Variants in DAB1 observed in about 807,000 individuals in gnomAD.
The protein encoded by DAB1 is DAB adaptor protein 1, also known as disabled homolog 1.
In DAB1, 15 loss-of-function variants were observed where a neutral mutation model predicts 64.6. The observed-to-expected ratio is 0.23, with a 90% confidence interval of 0.16 to 0.36. The LOEUF is 0.36. DAB1 is among the 10% of genes least tolerant of loss of function. The pLI is 1.00. For synonymous variants in DAB1, 235 were observed against 251.9 expected, an observed-to-expected ratio of 0.93 and a Z score of 0.64; for missense variants, 596 against 706.7, an observed-to-expected ratio of 0.84 and a Z score of 1.78.
In DAB1 at chr1:57,231,015, T is replaced by C. The variant is rs561507245; in HGVS notation, c.67+59949A>G. On this transcript the variant is annotated intron_variant, in intron 2 of 14. Coordinates refer to ENST00000371236, the MANE Select transcript of DAB1 (RefSeq NM_001365792.1). ...GAAGATGAATTAATAATTATTAGTA[T>C]TATTAATAGTTGCAATAAATGTTAG... Among the ~76,000 whole-genome samples the C allele has an allele frequency of 1.2e-4, 18 of 152,240 alleles. No individual in the cohort carries two copies. The South Asian group carries it at 3.5e-3, about 30-fold the overall frequency.
At chr1:58,121,858 T>C (rs1652756815) in intron 5 of DAB1, among the ~76,000 whole-genome samples, 1 of 152,212 alleles carries the variant, frequency 6.6e-6, no homozygotes. Context: ...AATACTCTTC[T>C]CACTCCTTTC....
At chr1:57,260,594 G>C (rs1352421744) in intron 2 of DAB1, among the ~76,000 whole-genome samples, 1 of 152,140 alleles carries the variant, frequency 6.6e-6, no homozygotes, top group Non-Finnish European at 1.5e-5. Context: ...AAACCCCACA[G>C]ATCCTGAGGC....
At chr1:57,751,401 G>C (rs541586106) in intron 6 of DAB1, among the ~76,000 whole-genome samples, 4 of 152,226 alleles carry the variant, frequency 2.6e-5, no homozygotes, top group African/African-American at 7.2e-5. Context: ...TCTATAAGGG[G>C]AGACAAAGGG....
intron 5 of DAB1, among the ~76,000 whole-genome samples, chr1:58,032,611 G>A (rs1248537949): frequency 6.6e-6 from 1 of 152,092 alleles, no homozygotes; most frequent in Admixed American, 6.5e-5. Context: ...TGTGTTTCAC[G>A]AGCCAGGAAA....
intron 5 of DAB1, among the ~76,000 whole-genome samples, chr1:58,088,629 T>C (rs1316915003): frequency 6.6e-6 from 1 of 152,178 alleles, no homozygotes; most frequent in Non-Finnish European, 1.5e-5. Context: ...AGGGAAATCA[T>C]GTTAACTAAC....
chr1:58,504,835 T>C (rs769814521), intron 3 of DAB1, among the ~76,000 whole-genome samples: 1 of 152,218 alleles, frequency 6.6e-6, no homozygotes, highest in Non-Finnish European at 1.5e-5. Context: ...TATCTTAGCA[T>C]CCTGTAAATA....
chr1:57,452,164 C>CA (rs1370158506), intron 7 of DAB1, among the ~76,000 whole-genome samples: 5 of 96,460 alleles, frequency 5.2e-5, no homozygotes, highest in African/African-American at 1.2e-4. Context: ...TCTGCACCCC[C>CA]CCTTTTTTTT....
chr1:57,017,771 G>A (rs796181120), intron 11 of DAB1, among the ~76,000 whole-genome samples: 13 of 152,286 alleles, frequency 8.5e-5, no homozygotes, highest in African/African-American at 2.6e-4. Flanking sequence ...AATTTCAAAC[G>A]TGAAGCTTGC....
At chr1:58,301,548 C>T (rs1662170219) in intron 4 of DAB1, among the ~76,000 whole-genome samples, 1 of 152,026 alleles carries the variant, frequency 6.6e-6, no homozygotes, top group South Asian at 2.1e-4. Flanking sequence ...TATGTGTGGG[C>T]CAAGACAATT....
intron 1 of DAB1, among the ~76,000 whole-genome samples, chr1:57,855,784 C>T (rs1653725363): frequency 6.6e-6 from 1 of 152,052 alleles, no homozygotes; most frequent in South Asian, 2.1e-4. Context: ...ATATGGAGAC[C>T]ACAGGAGGTT....
intron 3 of DAB1, among the ~76,000 whole-genome samples, chr1:58,434,820 T>A (rs771425234): frequency 5.9e-5 from 9 of 152,136 alleles, no homozygotes; most frequent in Non-Finnish European, 8.8e-5. Context: ...CTCACTCACT[T>A]CCTTCTCAAA....
Position 57,496,857 on chromosome 1 carries a change from C to A in DAB1, n.625+152735G>T, listed in dbSNP as rs372406918. Among the ~76,000 whole-genome samples the A allele has an allele frequency of 5.3e-5, 8 of 152,162 alleles. No homozygotes were observed. The East Asian group carries it at 1.5e-3, about 29-fold the overall frequency. On this transcript the variant is annotated intron_variant and non_coding_transcript_variant, in intron 7 of 20. Transcript: ENST00000485760. ...CTGGAGATCTGGACTTTGAAAAAAACATGTTTCAGTATTTCTTACACAACA... is the reference window on the plus strand; with the variant it reads ...CTGGAGATCTGGACTTTGAAAAAAAAATGTTTCAGTATTTCTTACACAACA...
At chr1:57,599,543 T>G (rs1645551985) in intron 7 of DAB1, among the ~76,000 whole-genome samples, 1 of 151,936 alleles carries the variant, frequency 6.6e-6, no homozygotes, top group Non-Finnish European at 1.5e-5. Flanking sequence ...GGAGCTCGAG[T>G]AAGTTATAAA....
chr1:57,318,155 CAAAAAAAA>C (rs3042914), intron 1 of DAB1, among the ~76,000 whole-genome samples: 2 of 103,444 alleles, frequency 1.9e-5, no homozygotes, highest in African/African-American at 7.6e-5. Flanking sequence ...AGCTGCAACT[CAAAAAAAA>C]AAAAAAAAAA....
At chr1:57,051,458 A>C (rs896430926) in intron 9 of DAB1, among the ~76,000 whole-genome samples, 1 of 152,182 alleles carries the variant, frequency 6.6e-6, no homozygotes, top group African/African-American at 2.4e-5. Flanking sequence ...GTGGGGGGGA[A>C]GTAGGGAACA....
chr1:58,535,288 T>C (rs1163747500), intron 1 of DAB1, among the ~76,000 whole-genome samples: 1 of 152,136 alleles, frequency 6.6e-6, no homozygotes. Flanking sequence ...TTTCATAAAG[T>C]GTATGCTTTT....
At chr1:57,685,470 C>A (rs1177447501) in intron 6 of DAB1, among the ~76,000 whole-genome samples, 1 of 152,166 alleles carries the variant, frequency 6.6e-6, no homozygotes, top group Non-Finnish European at 1.5e-5. Flanking sequence ...TAGTCAGAGA[C>A]TTCAACAACC....
intron 3 of DAB1, among the ~76,000 whole-genome samples, chr1:58,390,982 T>A (rs1644470968): frequency 6.6e-6 from 1 of 152,184 alleles, no homozygotes. Flanking sequence ...TAATAACGCA[T>A]TCGTCATCTG....
chr1:57,885,491 G>C (rs72666144), upstream of DAB1, among the ~76,000 whole-genome samples: 803 of 152,260 alleles, frequency 5.3e-3, 7 homozygotes, highest in Non-Finnish European at 7.9e-3. Flanking sequence ...GGGTGTATGT[G>C]TGTACAGGAA....
Sources: allele counts gnomAD v4.1 joint callset (sites outside exome capture counted in the v4.1 genomes callset), GRCh38; gene constraint gnomAD v4.1.1; transcripts MANE v1.5; gene names NCBI Gene and HGNC (gene_info 2026-07-23, HGNC 2026-07-21).